The following PEX1 variants were observed in gnomAD, a reference collection of about 807,000 sequenced individuals.
The protein encoded by PEX1 is peroxisomal biogenesis factor 1.
In PEX1, 97 loss-of-function variants were observed where a neutral mutation model predicts 152.5. The ratio of observed to expected loss-of-function variants is 0.64; its 90% CI spans 0.54 to 0.75. The LOEUF (loss-of-function observed/expected upper bound fraction) is 0.75. PEX1 is among the 30% of genes least tolerant of loss of function. The pLI is 0.00. For missense variants in PEX1, 1,357 were observed against 1,516.3 expected (o/e 0.89, Z 1.74); for synonymous variants, 485 against 531.6 (o/e 0.91, Z 1.21).
Position 92,496,728 on chromosome 7 carries a change from C to T in PEX1, c.2768G>A (p.Arg923Gln), listed in dbSNP as rs754883210. ...GGCTACCAACCTAATAAAAATATCC[C>T]GAACAGCTTGTTCACTTGCTCCAAT... ...KYIGASEQAV[R>Q]DIFIRAQAAK... The change falls in exon 17 of 24, where the codon CGG (arginine) becomes CAG (glutamine). Residue 923 changes from arginine (R) to glutamine (Q), a missense_variant. By Grantham distance (43) the Arg-to-Gln change is conservative. Coordinates refer to ENST00000248633, the MANE Select transcript of PEX1 (RefSeq NM_000466.3). 17 of 1,608,254 alleles carry T rather than the reference C, an allele frequency of 1.1e-5. No individual in the cohort carries two copies. The highest frequency in any genetic ancestry group is 1.1e-5 in the Non-Finnish European group (13 of 1,174,968).
At chr7:92,500,262 CA>C (rs1156830843) in intron 15 of PEX1, among the ~76,000 whole-genome samples, 1 of 152,168 alleles carries the variant, frequency 6.6e-6, no homozygotes, top group Non-Finnish European at 1.5e-5. Flanking sequence ...CCAGGCTGAA[CA>C]AATAATCGAC....
chr7:92,518,067 G>T (rs777338467), intron 4 of PEX1, 25 bp from the exon 5 acceptor site: 15 of 1,613,650 alleles, frequency 9.3e-6, no homozygotes, highest in Admixed American at 1.7e-5. Context: ...AAGCTCATTA[G>T]TGCACATTCA....
intron 2 of PEX1, among the ~76,000 whole-genome samples, chr7:92,520,407 C>G (rs1174089298): frequency 6.6e-6 from 1 of 152,076 alleles, no homozygotes; most frequent in African/African-American, 2.4e-5. Context: ...TCATGAGTAG[C>G]CTATTCTCAT....
chr7:92,490,817 AACACTT>A (rs1791264669), intron 21 of PEX1, among the ~76,000 whole-genome samples: 1 of 152,150 alleles, frequency 6.6e-6, no homozygotes, highest in African/African-American at 2.4e-5. Context: ...ATTTAATCAA[AACACTT>A]TCCTGTTGAA....
intron 16 of PEX1, among the ~76,000 whole-genome samples, chr7:92,498,678 G>A (rs116765078): frequency 6.6e-6 from 1 of 152,022 alleles, no homozygotes; most frequent in South Asian, 2.1e-4. Flanking sequence ...ACACACCAGT[G>A]GTGGACTGTG....
rs1335063679 is a variant in PEX1 at position 92,503,210 on chromosome 7, T to C, written c.2072-15A>G. On this transcript the variant is annotated splice_polypyrimidine_tract_variant and intron_variant, in intron 12 of 23. Coordinates refer to ENST00000248633, the MANE Select transcript of PEX1 (RefSeq NM_000466.3). ...ATCATTCAAAGCTGGAATTAAGCAA[T>C]ATAGTGCAAAAGCTTAGGAAAAGTA... The C allele has an allele frequency of 1.2e-6, 2 of 1,610,876 alleles. No individual in the cohort carries two copies. The highest frequency in any genetic ancestry group is 1.1e-5 in the South Asian group (1 of 91,008).
rs7791858 is a variant in PEX1, at chr7:92,507,440, G to A, written c.1671-314C>T. 0.23 allele frequency: 65,595 copies of A among 286,120 alleles called. 7,896 individuals are homozygous for A. Among genetic ancestry groups the A allele is most frequent in the Admixed American group, 0.29 (6,002 of 20,834 alleles). The allele number at this position is 286,120 out of a possible 1,614,324, so 17.7% of individuals were successfully genotyped here. A position where few individuals can be genotyped will look rare whatever the true frequency, so the allele number is the denominator to read the frequency against. ...TTGTGTGTGCATTTGTTGTAGAGAC[G>A]GGGTTTTGCCATGTTGCCCAGGCTA... is the stretch of plus-strand genomic sequence containing the variant. On this transcript the variant is annotated intron_variant, in intron 9 of 23. Coordinates refer to ENST00000248633, the MANE Select transcript of PEX1 (RefSeq NM_000466.3).
chr7:92,499,847 CAAAA>C lies in PEX1; in HGVS notation c.2584-13_2584-10del. The C allele has an allele frequency of 6.8e-6, 9 of 1,324,406 alleles. No individual in the cohort carries two copies. The highest frequency in any genetic ancestry group is 2.6e-5 in the South Asian group (2 of 77,066). 82.0% of individuals were successfully genotyped at this position (1,324,406 alleles called of 1,614,324 possible). On this transcript the variant is annotated splice_polypyrimidine_tract_variant and intron_variant, in intron 15 of 23. Coordinates refer to ENST00000248633, the MANE Select transcript of PEX1 (RefSeq NM_000466.3). ...GCAAATAATTCTGGATACTGAGAAA[CAAAA>C]AAAAAAAATATGAAAAAGAGCTCAA... is the stretch of plus-strand genomic sequence containing the variant.
chr7:92,504,876 T>A lies in PEX1; in HGVS notation c.1927A>T (p.Thr643Ser), dbSNP rs202090906. Residue 643 changes from threonine to serine, a missense_variant, in exon 12 of 24, where the codon ACC becomes TCC. Thr to Ser is a moderately conservative substitution (Grantham distance 58). Coordinates refer to ENST00000248633, the MANE Select transcript of PEX1 (RefSeq NM_000466.3). Reference sequence around the variant, plus strand: ...GCCTCTGAGAAAGCCACCTCTAGGGTTTTTTGTATGTTTTCAAGCCTTTTT... The same window carrying A: ...GCCTCTGAGAAAGCCACCTCTAGGGATTTTTGTATGTTTTCAAGCCTTTTT... Reference protein sequence around the residue: ...RGKRLENIQKTLEVAFSEAVW... With the variant: ...RGKRLENIQKSLEVAFSEAVW... 5 of 1,613,456 alleles carry A rather than the reference T, an allele frequency of 3.1e-6. No individual in the cohort carries two copies. In the African/African-American group the frequency reaches 6.7e-5, roughly 22 times the overall value.
At chr7:92,491,148 T>G in intron 21 of PEX1, 124 bp downstream of exon 21, 1 of 693,522 alleles carries the variant, frequency 1.4e-6, no homozygotes, top group Non-Finnish European at 2.6e-6. Flanking sequence ...ACAAGACTAT[T>G]TTACTGAAGA....
chr7:92,521,997 G>A, intron 2 of PEX1, 105 bp downstream of exon 2: 1 of 1,087,426 alleles, frequency 9.2e-7, no homozygotes, highest in East Asian at 2.4e-5. Context: ...ATACAAATTA[G>A]GTGACATCTC....
intron 20 of PEX1, among the ~76,000 whole-genome samples, chr7:92,491,978 A>C (rs573146938): frequency 1.1e-4 from 17 of 152,328 alleles, no homozygotes; most frequent in Admixed American, 3.3e-4. Context: ...TAGACATTCC[A>C]AACAAATGTG....
Position 92,517,265 on chromosome 7 carries a change from T to C in PEX1, c.1239+11A>G. Reference sequence around the variant, plus strand: ...ATAAAATTTCTCCCAAGTTATAAAATTTATACTAACCCAGACTTTCCCAAG... The same window carrying C: ...ATAAAATTTCTCCCAAGTTATAAAACTTATACTAACCCAGACTTTCCCAAG... On this transcript the variant is annotated intron_variant, in intron 5 of 23. Transcript: ENST00000248633. 6.2e-7 allele frequency: 1 copy of C among 1,607,254 alleles called. No homozygotes were observed.
At chr7:92,514,821 G>A (rs1792647960) in intron 5 of PEX1, among the ~76,000 whole-genome samples, 1 of 152,112 alleles carries the variant, frequency 6.6e-6, no homozygotes, top group African/African-American at 2.4e-5. Context: ...GGAGGCCGAG[G>A]TGGGCGGATC....
intron 1 of PEX1, among the ~76,000 whole-genome samples, chr7:92,524,712 C>T (rs924428543): frequency 3.3e-5 from 5 of 152,188 alleles, no homozygotes; most frequent in African/African-American, 1.2e-4. Flanking sequence ...ATTTTTCTCA[C>T]AATTTTCACA....
chr7:92,489,730 T>C lies in PEX1; in HGVS notation c.3620A>G (p.Tyr1207Cys). 4 of 1,614,060 alleles carry C rather than the reference T, an allele frequency of 2.5e-6. No individual in the cohort carries two copies. The highest frequency in any genetic ancestry group is 3.4e-6 in the Non-Finnish European group (4 of 1,179,896). ...AAGCCATACTCCACTTTGGCTCCGG[T>C]ATCTGCCTTTGATAATACTGATATC... ...RADISIIKGRYRSQSGEDESM... is the reference protein window; with the variant it reads ...RADISIIKGRCRSQSGEDESM... The change falls in exon 22 of 24, where the codon TAC (tyrosine) becomes TGC (cysteine). Residue 1207 changes from tyrosine (Y) to cysteine (C), a missense_variant. Transcript: ENST00000248633.
chr7:92,501,333 ATAAAAT>A (rs1056028804), intron 15 of PEX1, among the ~76,000 whole-genome samples, 168 bp downstream of exon 15: 5 of 151,706 alleles, frequency 3.3e-5, no homozygotes, highest in African/African-American at 9.7e-5. Context: ...AAATTAATTA[ATAAAAT>A]TAAAATTTGT....
At chr7:92,502,428 C>T (rs1012567511) in intron 13 of PEX1, among the ~76,000 whole-genome samples, 1 of 152,082 alleles carries the variant, frequency 6.6e-6, no homozygotes, top group African/African-American at 2.4e-5. Flanking sequence ...CAATAAGAAG[C>T]ATTTTTAGTA....
chr7:92,489,652 C>T (rs1203369153), intron 22 of PEX1, 62 bp downstream of exon 22: 2 of 1,452,938 alleles, frequency 1.4e-6, no homozygotes, highest in Non-Finnish European at 1.9e-6. Flanking sequence ...AAATATATAT[C>T]AAAAGGGTGA....
Sources: gnomAD v4.1 joint callset for allele counts (sites outside exome capture counted in the v4.1 genomes callset) on GRCh38, gnomAD v4.1.1 for gene constraint, MANE v1.5 for transcripts, NCBI Gene and HGNC (gene_info 2026-07-23, HGNC 2026-07-21) for gene names.